Variants in DNAAF19 observed in about 807,000 individuals in gnomAD.
The protein encoded by DNAAF19 is coiled-coil domain containing 103.
At chr17:44,905,320 A>T in the DNAAF19 span, 1 of 514,794 alleles carries the variant, frequency 1.9e-6, no homozygotes, top group South Asian at 2.7e-5. Context: ...CTGACTTCAC[A>T]TTTAGGTCAG....
the DNAAF19 span, chr17:44,905,219 G>C: frequency 1.5e-5 from 10 of 668,054 alleles, no homozygotes; most frequent in African/African-American, 1.8e-4. Context: ...TTCATGGGCA[G>C]GTCTGGGACC....
chr17:44,903,853 G>A, the DNAAF19 span: 1 of 1,540,920 alleles, frequency 6.5e-7, no homozygotes, highest in Non-Finnish European at 8.8e-7. Context: ...TCACCACTGT[G>A]CTCCTGTGGG....
At chr17:44,904,370 T>C in the DNAAF19 span, 3 of 1,543,802 alleles carry the variant, frequency 1.9e-6, no homozygotes, top group South Asian at 2.4e-5. Context: ...CTGTGACCGC[T>C]GCGGAGTGCG....
the DNAAF19 span, chr17:44,901,174 T>A: frequency 6.3e-7 from 1 of 1,598,630 alleles, no homozygotes; most frequent in Non-Finnish European, 8.5e-7. Flanking sequence ...CAGGCCCTCC[T>A]GTTATGGTGG....
the DNAAF19 span, chr17:44,902,647 G>A: frequency 5.0e-6 from 8 of 1,613,280 alleles, no homozygotes; most frequent in East Asian, 1.3e-4. Flanking sequence ...GAGCCGGGCA[G>A]AGAGAGAGAG....
At chr17:44,904,200 T>A in the DNAAF19 span, 1 of 1,550,606 alleles carries the variant, frequency 6.4e-7, no homozygotes. Context: ...GGCCTGTACT[T>A]CTGCGGCACC....
the DNAAF19 span, chr17:44,903,598 T>TC: frequency 1.5e-4 from 210 of 1,399,846 alleles, no homozygotes; most frequent in Admixed American, 5.3e-4. Context: ...AGAATGGCTT[T>TC]CCCCCCCCAC....
the DNAAF19 span, chr17:44,901,667 GC>G: frequency 1.2e-6 from 2 of 1,613,448 alleles, no homozygotes; most frequent in East Asian, 4.5e-5. Context: ...GTGAGGCCCT[GC>G]CCCTTTAGTC....
At chr17:44,903,645 G>T in the DNAAF19 span, 3 of 1,432,826 alleles carry the variant, frequency 2.1e-6, no homozygotes, top group Non-Finnish European at 2.7e-6. Flanking sequence ...AGGGCATCTT[G>T]TACATCCACT....
chr17:44,902,383 C>T, the DNAAF19 span: 3 of 1,614,246 alleles, frequency 1.9e-6, no homozygotes, highest in South Asian at 3.3e-5. Context: ...CCCCCTCCAG[C>T]CCGAGACGTC....
the DNAAF19 span, chr17:44,899,960 G>A: frequency 6.6e-6 from 1 of 152,256 alleles, no homozygotes; most frequent in East Asian, 1.9e-4. Context: ...GATTCCCTAC[G>A]TTGGGGTAGG....
the DNAAF19 span, chr17:44,903,509 C>T: frequency 1.4e-5 from 18 of 1,283,252 alleles, no homozygotes; most frequent in Non-Finnish European, 1.8e-5. Flanking sequence ...CCTCGGCCCG[C>T]CCTTCTCATT....
chr17:44,901,505 G>A, the DNAAF19 span: 11 of 1,613,848 alleles, frequency 6.8e-6, no homozygotes, highest in South Asian at 7.7e-5. Flanking sequence ...CCTAATTTCT[G>A]TCCTTTGCCT....
chr17:44,905,238 G>T, the DNAAF19 span: 18 of 623,072 alleles, frequency 2.9e-5, no homozygotes, highest in Admixed American at 1.5e-4. Context: ...CCTGATCTGA[G>T]AAGTGGAGGG....
At chr17:44,903,883 T>C in the DNAAF19 span, 6 of 1,550,510 alleles carry the variant, frequency 3.9e-6, no homozygotes, top group Non-Finnish European at 5.2e-6. Flanking sequence ...TCCAGGCCTT[T>C]GAAATTGTGG....
At chr17:44,903,584 T>G in the DNAAF19 span, 1 of 1,399,798 alleles carries the variant, frequency 7.1e-7, no homozygotes, top group Non-Finnish European at 9.2e-7. Context: ...AAAGGCCAGG[T>G]TCTAGAATGG....
At chr17:44,904,562 A>G in the DNAAF19 span, 8 of 1,550,588 alleles carry the variant, frequency 5.2e-6, no homozygotes, top group Non-Finnish European at 6.1e-6. Flanking sequence ...ACCCTGTGAG[A>G]AGACAAAGAC....
chr17:44,903,389 A>G, the DNAAF19 span: 2 of 1,249,140 alleles, frequency 1.6e-6, no homozygotes, highest in East Asian at 3.1e-5. Flanking sequence ...GGATGGCCAG[A>G]TATGCAGGAG....
chr17:44,901,712 G>GT, the DNAAF19 span: 2 of 1,568,456 alleles, frequency 1.3e-6, no homozygotes, highest in East Asian at 2.3e-5. Context: ...CTTCAATCCT[G>GT]TTTTTTCATT....
Sources: gnomAD v4.1 joint callset for allele counts on GRCh38, gnomAD v4.1.1 for gene constraint, MANE v1.5 for transcripts, NCBI Gene and HGNC (gene_info 2026-07-23, HGNC 2026-07-21) for gene names.